MTMR9: variants seen among roughly 807,000 people sequenced by gnomAD.
MTMR9 encodes the protein myotubularin related protein 9, also known as myotubularin-related protein 9.
Under a neutral mutation model 69.5 loss-of-function variants are expected in MTMR9, and 39 were observed. The observed-to-expected ratio is 0.56, with a 90% CI of 0.43 to 0.73. MTMR9 has a LOEUF of 0.73. MTMR9 is among the 30% of genes least tolerant of loss of function. The pLI is 0.00. For synonymous variants in MTMR9, 354 were observed against 240.8 expected, an observed-to-expected ratio of 1.47 and a Z score of -4.35; for missense variants, 900 against 671.2, an observed-to-expected ratio of 1.34 and a Z score of -3.77.
chr8:11,291,428 T>A (rs2117358018), intron 1 of MTMR9, among the ~76,000 whole-genome samples: 1 of 152,196 alleles, frequency 6.6e-6, no homozygotes, highest in South Asian at 2.1e-4. Flanking sequence ...GTGATAGGGA[T>A]GTATACAGGG....
chr8:11,302,949 A>C (rs1017059337), intron 3 of MTMR9, among the ~76,000 whole-genome samples: 2 of 152,080 alleles, frequency 1.3e-5, no homozygotes, highest in Non-Finnish European at 2.9e-5. Flanking sequence ...ATAAAAATTT[A>C]TGGAAAAAAT....
At chr8:11,331,958 T>A, downstream of MTMR9, 1 of 1,612,042 alleles carries the variant, frequency 6.2e-7, no homozygotes, top group Non-Finnish European at 8.5e-7. Context: ...TGGTGTGCGC[T>A]GTCCTGCATT....
chr8:11,331,939 A>T (rs1157592058), downstream of MTMR9: 2 of 1,611,582 alleles, frequency 1.2e-6, no homozygotes, highest in African/African-American at 1.3e-5. Context: ...ACCAAGGCCC[A>T]CCCTGCCCTG....
chr8:11,311,388 A>T (rs1266364470), intron 6 of MTMR9, among the ~76,000 whole-genome samples: 1 of 152,234 alleles, frequency 6.6e-6, no homozygotes, highest in Non-Finnish European at 1.5e-5. Flanking sequence ...TATTACACAC[A>T]GGCACACCTT....
chr8:11,330,324 C>G (rs1313450262), downstream of MTMR9, among the ~76,000 whole-genome samples: 2 of 150,236 alleles, frequency 1.3e-5, no homozygotes, highest in Non-Finnish European at 1.5e-5. Flanking sequence ...CCAGCTGCCC[C>G]GTCTGGGAGG....
chr8:11,299,655 C>G (rs997915302), intron 2 of MTMR9, among the ~76,000 whole-genome samples: 1 of 152,198 alleles, frequency 6.6e-6, no homozygotes, highest in African/African-American at 2.4e-5. Flanking sequence ...TGAGCCAAGA[C>G]CTTACTGACT....
chr8:11,297,148 C>G (rs1379129658), intron 2 of MTMR9, among the ~76,000 whole-genome samples: 1 of 151,832 alleles, frequency 6.6e-6, no homozygotes, highest in Non-Finnish European at 1.5e-5. Flanking sequence ...GACTTTGTGT[C>G]CAAAAAATGC....
downstream of MTMR9, chr8:11,331,569 G>C (rs774691176): frequency 1.2e-6 from 2 of 1,613,830 alleles, no homozygotes; most frequent in Non-Finnish European, 1.7e-6. Flanking sequence ...CCAGGGTCTC[G>C]GTGGCTACGA....
intron 8 of MTMR9, chr8:11,319,248 A>C (rs975295694): frequency 4.6e-5 from 7 of 152,828 alleles, no homozygotes; most frequent in African/African-American, 1.7e-4. Context: ...AAAAATAAAT[A>C]GGACATAAAT....
chr8:11,319,553 C>T (rs781624558), intron 8 of MTMR9, 134 bp from the exon 9 acceptor site: 1 of 865,876 alleles, frequency 1.2e-6, no homozygotes, highest in Non-Finnish European at 1.8e-6. Context: ...GATTTTTCAA[C>T]ACTTTGTTTC....
chr8:11,328,596 A>G (rs192912715), downstream of MTMR9, among the ~76,000 whole-genome samples: 12 of 152,338 alleles, frequency 7.9e-5, no homozygotes, highest in East Asian at 2.1e-3. Context: ...ATGGAATTAA[A>G]AAGCCACTAT....
At chr8:11,300,594 A>T (rs1325678820) in intron 3 of MTMR9, 1 of 152,310 alleles carries the variant, frequency 6.6e-6, no homozygotes, top group Non-Finnish European at 1.5e-5. Context: ...AGAAAAAAAA[A>T]GCAAAGTAAC....
At chr8:11,311,450 A>T (rs922313604) in intron 6 of MTMR9, among the ~76,000 whole-genome samples, 7 of 152,260 alleles carry the variant, frequency 4.6e-5, no homozygotes, top group Non-Finnish European at 1.0e-4. Flanking sequence ...AAGTCATGCA[A>T]TAAAGTGAGT....
At position 11,294,500 on chromosome 8, in the gene MTMR9, C is replaced by CT. The variant is rs61227530; in HGVS notation, c.183-676dup. ...TGTTAGATTTTGTCAAATACTTTCA[C>CT]TTTTTTTTTTTTTTTTTTGAGACAG... On this transcript the variant is annotated intron_variant, in intron 1 of 9. Transcript: ENST00000221086. 3.3e-3 allele frequency among the ~76,000 whole-genome samples: 345 copies of CT among 105,798 alleles called. 11 individuals carry two copies. Among genetic ancestry groups the CT allele is most frequent in the Middle Eastern group, 0.012 (2 of 162 alleles). 69.4% of individuals were successfully genotyped at this position (105,798 alleles called of 152,430 possible). A position where few individuals can be genotyped will look rare whatever the true frequency, so the allele number is the denominator to read the frequency against.
At chr8:11,305,731 A>T (rs1295637845) in intron 4 of MTMR9, among the ~76,000 whole-genome samples, 1 of 152,228 alleles carries the variant, frequency 6.6e-6, no homozygotes, top group Admixed American at 6.5e-5. Context: ...AGTGAAAATG[A>T]TTTCCCAAAC....
rs984643048 is a variant in MTMR9 at position 11,323,664 on chromosome 8, C to T, written c.*876C>T. 1 of 152,146 alleles carries T rather than the reference C, an allele frequency of 6.6e-6. No individual in the cohort carries two copies. The highest frequency in any genetic ancestry group is 1.5e-5 in the Non-Finnish European group (1 of 68,024). The allele number at this position is 152,146 out of a possible 1,614,324, so 9.4% of individuals were successfully genotyped here. A position where few individuals can be genotyped will look rare whatever the true frequency, so the allele number is the denominator to read the frequency against. Reference sequence around the variant, plus strand: ...AATAGGTTTTCTTAAACCAGAGATGCACTGCCCTTGTCTAAAGTTCTTATT... The same window carrying T: ...AATAGGTTTTCTTAAACCAGAGATGTACTGCCCTTGTCTAAAGTTCTTATT... On this transcript the variant is annotated 3_prime_UTR_variant, in exon 10 of 10. Transcript: ENST00000221086.
intron 5 of MTMR9, 147 bp from the exon 6 acceptor site, chr8:11,309,380 A>G (rs1484517478): frequency 2.9e-6 from 2 of 693,706 alleles, no homozygotes; most frequent in African/African-American, 1.8e-5. Context: ...TTCAACCTTT[A>G]ATCCTCAAAT....
chr8:11,284,947 C>A lies in MTMR9; in HGVS notation c.59C>A (p.Pro20His), dbSNP rs143537669. 9.0e-4 allele frequency: 1,445 copies of A among 1,613,968 alleles called. No homozygotes were observed. The highest frequency in any genetic ancestry group is 1.1e-3 in the Admixed American group (69 of 60,006). The change falls in exon 1 of 10, where the codon CCT (proline) becomes CAT (histidine). Residue 20 changes from proline (P) to histidine (H), a missense_variant. By Grantham distance (77) the Pro-to-His change is moderately conservative. Coordinates refer to ENST00000221086, the MANE Select transcript of MTMR9 (RefSeq NM_015458.4). Reference sequence around the variant, plus strand: ...GTGGACAATGTGGTGCTGCACCGGCCTTTCTACCCGGCTGTCGAGGGCACC... The same window carrying A: ...GTGGACAATGTGGTGCTGCACCGGCATTTCTACCCGGCTGTCGAGGGCACC... ...PRVDNVVLHR[P>H]FYPAVEGTLC...
In MTMR9 at chr8:11,323,014, A is replaced by T; in HGVS notation, c.*226A>T. 2.8e-6 allele frequency: 1 copy of T among 357,012 alleles called. No individual in the cohort carries two copies. Among genetic ancestry groups the T allele is most frequent in the Non-Finnish European group, 5.0e-6 (1 of 200,628 alleles). 22.1% of individuals were successfully genotyped at this position (357,012 alleles called of 1,614,324 possible). A position where few individuals can be genotyped will look rare whatever the true frequency, so the allele number is the denominator to read the frequency against. Reference sequence around the variant, plus strand: ...GCCTGTCACTTTGGGAGCCGGAAGGAGGTGCTAGTCATTTTATTTTTACGT... The same window carrying T: ...GCCTGTCACTTTGGGAGCCGGAAGGTGGTGCTAGTCATTTTATTTTTACGT... On this transcript the variant is annotated 3_prime_UTR_variant, in exon 10 of 10. Coordinates refer to ENST00000221086, the MANE Select transcript of MTMR9 (RefSeq NM_015458.4).
Sources: gnomAD v4.1 joint callset for allele counts (sites outside exome capture counted in the v4.1 genomes callset) on GRCh38, gnomAD v4.1.1 for gene constraint, MANE v1.5 for transcripts, NCBI Gene and HGNC (gene_info 2026-07-23, HGNC 2026-07-21) for gene names.